THSD7B: variants seen among roughly 807,000 people sequenced by gnomAD.
THSD7B encodes the protein thrombospondin type 1 domain containing 7B.
A neutral mutation model predicts 213.6 loss-of-function variants in THSD7B; 138 were observed. That is an observed-to-expected ratio of 0.65 (90% CI 0.56 to 0.74). The LOEUF (loss-of-function observed/expected upper bound fraction) is 0.74. Among genes scored for constraint, THSD7B ranks in the 30% least tolerant of loss-of-function variants. The pLI is 0.00. For synonymous variants in THSD7B, 742 were observed against 687.0 expected (o/e 1.08, Z -1.25); for missense variants, 1,931 against 1,991.5 (o/e 0.97, Z 0.58).
intron 27 of THSD7B, 54 bp from the exon 28 acceptor site, chr2:137,676,470 T>G: frequency 1.4e-6 from 2 of 1,472,130 alleles, no homozygotes; most frequent in Non-Finnish European, 1.8e-6. Flanking sequence ...CTTTGGCAGA[T>G]GAAACAGAGC....
intron 12 of THSD7B, among the ~76,000 whole-genome samples, chr2:137,362,466 AGTG>A (rs2104937136): frequency 1.3e-5 from 2 of 152,278 alleles, no homozygotes; most frequent in African/African-American, 4.8e-5. Context: ...AAGACCCATC[AGTG>A]CGTTGTATTC....
chr2:137,662,063 T>TTC (rs1491238814), intron 25 of THSD7B, among the ~76,000 whole-genome samples: 14 of 106,396 alleles, frequency 1.3e-4, no homozygotes, highest in African/African-American at 3.8e-4. Context: ...TTCTTTTTTC[T>TTC]TTTTTTTTTT....
chr2:137,510,176 C>T (rs570274392), intron 15 of THSD7B, among the ~76,000 whole-genome samples: 28 of 151,644 alleles, frequency 1.8e-4, no homozygotes, highest in East Asian at 9.7e-4. Context: ...TTTCTATTTC[C>T]GTCATTTATT....
At chr2:136,769,350 A>G (rs1681465314) in intron 1 of THSD7B, among the ~76,000 whole-genome samples, 1 of 152,200 alleles carries the variant, frequency 6.6e-6, no homozygotes, top group South Asian at 2.1e-4. Context: ...GTTATAGTCC[A>G]CCGGTGATTT....
rs189660745 is a variant in THSD7B, at chr2:136,971,706, A to G, written c.140-84714A>G. Among the ~76,000 whole-genome samples, 20 of 150,496 alleles carry G rather than the reference A, an allele frequency of 1.3e-4. No homozygotes were observed. In the East Asian group the frequency reaches 3.7e-3, roughly 28 times the overall value. On this transcript the variant is annotated intron_variant, in intron 2 of 27. Coordinates refer to ENST00000409968, the MANE Select transcript of THSD7B (RefSeq NM_001316349.2). ...ATACATACATATGTATATATATTATACATATAATAAAATTACATTGGACAA... is the reference window on the plus strand; with the variant it reads ...ATACATACATATGTATATATATTATGCATATAATAAAATTACATTGGACAA...
At chr2:136,786,956 G>T (rs1235191149) in intron 1 of THSD7B, among the ~76,000 whole-genome samples, 1 of 152,114 alleles carries the variant, frequency 6.6e-6, no homozygotes, top group Non-Finnish European at 1.5e-5. Flanking sequence ...AGCTTTCTCT[G>T]GGTTAATGGG....
At chr2:137,352,257 G>A (rs763876771) in intron 12 of THSD7B, among the ~76,000 whole-genome samples, 2 of 151,744 alleles carry the variant, frequency 1.3e-5, no homozygotes, top group East Asian at 1.9e-4. Context: ...AAGAAAAATC[G>A]AGATCCTATT....
In THSD7B at chr2:137,667,854, C is replaced by T; in HGVS notation, c.4732C>T (p.Leu1578Phe). ...IMIFLIFTSY[L>F]VCKKPKPHQS... ...GATTTTCCTAATATTTACTTCCTAC[C>T]TTGTTTGGTAAGTACTAATTAGTAA... Residue 1578 changes from leucine (L) to phenylalanine (F), a missense_variant, in exon 27 of 28, where the codon CTT becomes TTT. By Grantham distance (22) the Leu-to-Phe change is conservative. Transcript: ENST00000409968. The T allele has an allele frequency of 6.3e-7, 1 of 1,588,146 alleles. No homozygotes were observed. The highest frequency in any genetic ancestry group is 2.3e-5 in the East Asian group (1 of 44,248).
At chr2:137,653,332 T>TATC (rs1465966194) in intron 21 of THSD7B, among the ~76,000 whole-genome samples, 2 of 152,142 alleles carry the variant, frequency 1.3e-5, no homozygotes, top group Non-Finnish European at 2.9e-5. Flanking sequence ...TTGCTTATTG[T>TATC]ATCTTAAGGT....
At chr2:137,280,588 G>A (rs11895622) in intron 12 of THSD7B, among the ~76,000 whole-genome samples, 24,318 of 151,906 alleles carry the variant, frequency 0.16, 2,403 homozygotes, top group East Asian at 0.48. Flanking sequence ...GTAGCTAAGC[G>A]TCTACACCAT....
chr2:137,375,436 A>G (rs974501206), intron 12 of THSD7B, among the ~76,000 whole-genome samples: 8 of 152,200 alleles, frequency 5.3e-5, no homozygotes, highest in East Asian at 3.9e-4. Context: ...AAGCCTTTCA[A>G]TAGCAGGCTT....
At chr2:136,961,946 A>C (rs72983523) in intron 2 of THSD7B, among the ~76,000 whole-genome samples, 32 of 152,188 alleles carry the variant, frequency 2.1e-4, no homozygotes, top group African/African-American at 7.5e-4. Flanking sequence ...AATGCCCAGG[A>C]TGTATGAGTA....
intron 5 of THSD7B, among the ~76,000 whole-genome samples, chr2:137,141,018 G>A (rs1679575002): frequency 6.6e-6 from 1 of 152,164 alleles, no homozygotes; most frequent in African/African-American, 2.4e-5. Flanking sequence ...GAGTGTTCCA[G>A]GCAGAGGACT....
At chr2:136,835,273 A>G (rs1384109784) in intron 1 of THSD7B, among the ~76,000 whole-genome samples, 2 of 152,230 alleles carry the variant, frequency 1.3e-5, no homozygotes, top group Admixed American at 6.5e-5. Flanking sequence ...TTCATACCAT[A>G]AAGTGAGTGA....
At chr2:137,511,699 TGTTG>T (rs935174957) in intron 15 of THSD7B, among the ~76,000 whole-genome samples, 15 of 152,194 alleles carry the variant, frequency 9.9e-5, no homozygotes, top group Non-Finnish European at 2.1e-4. Flanking sequence ...CCGAGCTGTT[TGTTG>T]GTTGGTAAAT....
intron 7 of THSD7B, among the ~76,000 whole-genome samples, chr2:137,192,910 G>A (rs879449720): frequency 1.4e-4 from 21 of 152,218 alleles, no homozygotes; most frequent in Non-Finnish European, 2.8e-4. Flanking sequence ...TTGACGTGGT[G>A]TCTCTAAGTC....
intron 4 of THSD7B, among the ~76,000 whole-genome samples, chr2:137,108,878 A>G (rs555588604): frequency 6.6e-6 from 1 of 152,314 alleles, no homozygotes; most frequent in East Asian, 1.9e-4. Context: ...ATGAAATTTC[A>G]CAGCTATAAT....
chr2:137,325,008 G>A (rs1001677579), intron 12 of THSD7B, among the ~76,000 whole-genome samples: 1 of 152,080 alleles, frequency 6.6e-6, no homozygotes, highest in African/African-American at 2.4e-5. Context: ...GATATGATAC[G>A]ACAGATTTCC....
At chr2:137,412,329 G>A (rs537413394) in intron 14 of THSD7B, among the ~76,000 whole-genome samples, 13 of 151,872 alleles carry the variant, frequency 8.6e-5, no homozygotes, top group South Asian at 2.1e-4. Flanking sequence ...GGCCAGGCGC[G>A]GTGGCTCACG....
Sources: allele counts gnomAD v4.1 joint callset (sites outside exome capture counted in the v4.1 genomes callset), GRCh38; gene constraint gnomAD v4.1.1; transcripts MANE v1.5; gene names NCBI Gene and HGNC (gene_info 2026-07-23, HGNC 2026-07-21).